The following CUX1 variants were observed in gnomAD, a reference collection of about 807,000 sequenced individuals.
CUX1 encodes protein CASP.
A neutral mutation model predicts 158.8 loss-of-function variants in CUX1; 31 were observed. That is an observed-to-expected ratio of 0.20 (90% CI 0.15 to 0.26). The LOEUF (loss-of-function observed/expected upper bound fraction) is 0.26, where lower values mean the gene tolerates loss of function less well. CUX1 is among the 10% of genes least tolerant of loss of function. The pLI, the probability that CUX1 is intolerant of heterozygous loss-of-function variation, is 1.00. For synonymous variants in CUX1, 879 were observed against 862.1 expected (o/e 1.02, Z -0.34); for missense variants, 1,589 against 2,014.6 (o/e 0.79, Z 4.04).
intron 1 of CUX1, among the ~76,000 whole-genome samples, chr7:101,853,587 GT>G (rs753519445): frequency 0.084 from 5,889 of 69,748 alleles, 167 homozygotes; most frequent in Middle Eastern, 0.13. Context: ...TAGAAAGGGT[GT>G]GTGTGTGTGT....
chr7:102,103,684 G>C (rs201478), intron 5 of CUX1, among the ~76,000 whole-genome samples: 95,272 of 151,788 alleles, frequency 0.63, 31,407 homozygotes, highest in African/African-American at 0.79. Context: ...ATCCTCTCAC[G>C]TTGGCCTCCT....
At chr7:102,074,886 T>C (rs1826531604) in intron 4 of CUX1, among the ~76,000 whole-genome samples, 1 of 152,182 alleles carries the variant, frequency 6.6e-6, no homozygotes, top group Admixed American at 6.5e-5. Context: ...TGAGATGGGG[T>C]CTTGCTCTAT....
intron 8 of CUX1, among the ~76,000 whole-genome samples, chr7:102,143,308 A>C (rs956155463): frequency 1.3e-5 from 2 of 152,228 alleles, no homozygotes; most frequent in Middle Eastern, 3.4e-3. Context: ...TTGCTCTGTC[A>C]CCCAAGCTGG....
intron 20 of CUX1, among the ~76,000 whole-genome samples, chr7:102,209,339 CG>C (rs1235730026): frequency 6.6e-6 from 1 of 152,180 alleles, no homozygotes; most frequent in African/African-American, 2.4e-5. Flanking sequence ...ATGGGGGTGA[CG>C]GGCTTGGGCA....
chr7:102,167,222 C>G (rs1791138582), intron 9 of CUX1, among the ~76,000 whole-genome samples: 1 of 150,254 alleles, frequency 6.7e-6, no homozygotes, highest in African/African-American at 2.5e-5. Context: ...GAGCCAAAAT[C>G]ATACCGCTGC....
chr7:101,933,805 A>G (rs553440001), intron 2 of CUX1, among the ~76,000 whole-genome samples: 2 of 152,218 alleles, frequency 1.3e-5, no homozygotes, highest in Admixed American at 6.5e-5. Flanking sequence ...GAGACTTTCT[A>G]ATTTTTAACC....
intron 3 of CUX1, among the ~76,000 whole-genome samples, chr7:102,041,713 G>T (rs1822130900): frequency 7.4e-6 from 1 of 134,664 alleles, no homozygotes; most frequent in African/African-American, 3.0e-5. Context: ...CTGTCACCCA[G>T]GCTGGAGTGC....
chr7:102,119,390 C>CGGGCTGACTGTGGCA (rs1412934957), intron 8 of CUX1, among the ~76,000 whole-genome samples: 2 of 152,126 alleles, frequency 1.3e-5, no homozygotes, highest in Admixed American at 1.3e-4. Flanking sequence ...TGGGACAGCA[C>CGGGCTGACTGTGGCA]GGGCTGACTG....
intron 10 of CUX1, among the ~76,000 whole-genome samples, chr7:102,176,570 T>C (rs1792370247): frequency 7.2e-6 from 1 of 139,764 alleles, no homozygotes; most frequent in African/African-American, 2.7e-5. Flanking sequence ...TTTTTTTTTT[T>C]TTTTTTTTTT....
At chr7:102,271,970 C>T (rs1554546378) in intron 14 of CUX1, among the ~76,000 whole-genome samples, 2 of 152,060 alleles carry the variant, frequency 1.3e-5, no homozygotes, top group African/African-American at 2.4e-5. Flanking sequence ...TGCAGTGAGC[C>T]GAGATGGAGC....
At chr7:101,860,913 C>T (rs1797388673) in intron 1 of CUX1, among the ~76,000 whole-genome samples, 1 of 151,976 alleles carries the variant, frequency 6.6e-6, no homozygotes, top group African/African-American at 2.4e-5. Context: ...CTCAAGTGAT[C>T]CTCCCACCTC....
chr7:101,953,109 G>T (rs567227333), intron 2 of CUX1, among the ~76,000 whole-genome samples: 33 of 152,326 alleles, frequency 2.2e-4, no homozygotes, highest in African/African-American at 7.5e-4. Context: ...GCCCGCTGGG[G>T]TTCCTGATTC....
In CUX1 at chr7:102,253,702, C is replaced by T. The variant is rs1179944740; in HGVS notation, c.*4660C>T. ...TTTGCCTTAAATGCAGTATGACAGG[C>T]GCTTCTTGGCAGACCAGTAAAAACA... On this transcript the variant is annotated 3_prime_UTR_variant, in exon 24 of 24. Coordinates refer to ENST00000292535, the MANE Select transcript of CUX1 (RefSeq NM_181552.4). 2.6e-5 allele frequency: 26 copies of T among 985,282 alleles called. No homozygotes were observed. Among genetic ancestry groups the T allele is most frequent in the Non-Finnish European group, 3.0e-5 (25 of 829,948 alleles). The allele number at this position is 985,282 out of a possible 1,614,324, so 61.0% of individuals were successfully genotyped here.
At chr7:101,995,417 C>T (rs1815720736) in intron 2 of CUX1, among the ~76,000 whole-genome samples, 1 of 152,226 alleles carries the variant, frequency 6.6e-6, no homozygotes, top group Non-Finnish European at 1.5e-5. Flanking sequence ...TCTTATAAAA[C>T]AGTACCCTCT....
At chr7:101,891,902 C>T (rs1194435763) in intron 1 of CUX1, among the ~76,000 whole-genome samples, 1 of 152,202 alleles carries the variant, frequency 6.6e-6, no homozygotes, top group Non-Finnish European at 1.5e-5. Flanking sequence ...ATCATTTTCT[C>T]CACTGTATAG....
chr7:101,858,980 A>G (rs770433845), intron 1 of CUX1, among the ~76,000 whole-genome samples: 7 of 152,200 alleles, frequency 4.6e-5, no homozygotes, highest in Non-Finnish European at 1.0e-4. Context: ...TGTGAAAACC[A>G]GCAGTATTTT....
intron 1 of CUX1, among the ~76,000 whole-genome samples, chr7:101,862,919 A>G (rs896372727): frequency 5.3e-5 from 8 of 151,546 alleles, no homozygotes; most frequent in Non-Finnish European, 8.8e-5. Flanking sequence ...TTTACTTATT[A>G]CAGAAAATTT....
chr7:102,248,814 G>A lies in CUX1; in HGVS notation c.4290G>A (p.Glu1430=). 11 of 1,125,608 alleles carry A rather than the reference G, an allele frequency of 9.8e-6. No homozygotes were observed. The highest frequency in any genetic ancestry group is 1.2e-5 in the Non-Finnish European group (11 of 918,788). The allele number at this position is 1,125,608 out of a possible 1,614,324, so 69.7% of individuals were successfully genotyped here. The change falls in exon 24 of 24, where the codon GAG becomes GAA. Residue 1430 remains glutamate, a synonymous_variant. Transcript: ENST00000292535. The surrounding 1 kb of genome is among the most constrained non-coding windows in gnomAD (Gnocchi z 5.8). ...CCTCAGCCGCCGCCGCGCCGGGGGA[G>A]GGCCCCGCGGCCCCGAGCTCCGCGC... ...AATSAAAAPG[E]GPAAPSSAPP... is the part of the protein sequence containing the mutation.
At chr7:102,069,151 G>A (rs552426480) in intron 3 of CUX1, among the ~76,000 whole-genome samples, 2 of 152,092 alleles carry the variant, frequency 1.3e-5, no homozygotes, top group Non-Finnish European at 2.9e-5. Flanking sequence ...CATCTCACTC[G>A]GATGAAAGCA....
Sources: allele counts gnomAD v4.1 joint callset (sites outside exome capture counted in the v4.1 genomes callset), GRCh38; gene constraint gnomAD v4.1.1; non-coding constraint Gnocchi (gnomAD v3.1); transcripts MANE v1.5; gene names NCBI Gene and HGNC (gene_info 2026-07-23, HGNC 2026-07-21).